EXOC1: variants seen among roughly 807,000 people sequenced by gnomAD.
EXOC1 encodes SEC3-like 1.
EXOC1 carries 67 observed loss-of-function variants against 107.7 expected under a neutral mutation model. The ratio of observed to expected loss-of-function variants is 0.62; its 90% CI spans 0.51 to 0.76. The LOEUF is 0.76. EXOC1 is among the 30% of genes least tolerant of loss of function. The pLI is 0.00. For synonymous variants in EXOC1, 348 were observed against 353.5 expected (o/e 0.98, Z 0.17); for missense variants, 833 against 1,055.7 (o/e 0.79, Z 2.92).
chr4:55,892,626 T>A lies in EXOC1; in HGVS notation c.1648-9T>A. ...TTTATTATGTAAAGTGCCTGAATAA[T>A]TTTTGCAGGCTGAAGCAGAGGACCT... On this transcript the variant is annotated splice_polypyrimidine_tract_variant and intron_variant, in intron 13 of 18. Coordinates refer to ENST00000381295, the MANE Select transcript of EXOC1 (RefSeq NM_001024924.2). 7 of 1,613,580 alleles carry A rather than the reference T, an allele frequency of 4.3e-6. No homozygotes were observed. The highest frequency in any genetic ancestry group is 5.9e-6 in the Non-Finnish European group (7 of 1,179,536).
intron 18 of EXOC1, 151 bp from the exon 19 acceptor site, chr4:55,904,192 A>G: frequency 1.6e-6 from 1 of 618,488 alleles, no homozygotes. Context: ...CAAATCTTGT[A>G]GGTAAAAGTG....
At chr4:55,875,360 A>AT (rs970262008) in intron 8 of EXOC1, 7,158 of 751,602 alleles carry the variant, frequency 9.5e-3, no homozygotes, top group Non-Finnish European at 0.011. Flanking sequence ...CTTTGCTCAG[A>AT]TTTTTTTTTT....
At position 55,870,834 on chromosome 4, in the gene EXOC1, G is replaced by A. The variant is rs775752378; in HGVS notation, c.760G>A (p.Glu254Lys). 53 of 1,613,824 alleles carry A rather than the reference G, an allele frequency of 3.3e-5. 1 individual carries two copies. The South Asian group carries it at 4.9e-4, about 15-fold the overall frequency. The change falls in exon 6 of 19, where the codon GAA becomes AAA. Residue 254 changes from glutamate to lysine, a missense_variant. Glu to Lys is a moderately conservative substitution (Grantham distance 56, BLOSUM62 1). Coordinates refer to ENST00000381295, the MANE Select transcript of EXOC1 (RefSeq NM_001024924.2). ...SVKEQMDQIS[E>K]SNHLIHLSNT... ...AAAAGAACAAATGGATCAGATCTCT[G>A]AAAGCAACCACCTAATTCATCTTAG... is the stretch of plus-strand genomic sequence containing the variant.
intron 1 of EXOC1, among the ~76,000 whole-genome samples, chr4:55,854,765 G>T (rs1311877343): frequency 1.3e-5 from 2 of 152,120 alleles, no homozygotes; most frequent in Non-Finnish European, 2.9e-5. Context: ...AGGAGTATGT[G>T]GTAAACGTTG....
At chr4:55,897,282 A>G (rs1322326324) in intron 16 of EXOC1, among the ~76,000 whole-genome samples, 2 of 152,028 alleles carry the variant, frequency 1.3e-5, no homozygotes, top group African/African-American at 2.4e-5. Context: ...GCACCCTACC[A>G]TGCCCTGCTA....
At chr4:55,902,294 A>G (rs377469250) in intron 17 of EXOC1, 50 bp from the exon 18 acceptor site, 335 of 1,310,134 alleles carry the variant, frequency 2.6e-4, no homozygotes, top group Non-Finnish European at 3.2e-4. Flanking sequence ...TTTAATGTAA[A>G]TAATAATAAA....
At chr4:55,871,592 G>C (rs572943460) in intron 7 of EXOC1, among the ~76,000 whole-genome samples, 3 of 152,222 alleles carry the variant, frequency 2.0e-5, no homozygotes, top group Admixed American at 6.5e-5. Context: ...CCTGGCCCCA[G>C]TCCCAGATTC....
rs1722136120 is a variant in EXOC1 at position 55,868,320 on chromosome 4, T to C, written c.416-16T>C. ...ACTTTTTTGACTATTTTACTTTGAA[T>C]TTTTACCTCTTTAAGAATCTGTTCC... On this transcript the variant is annotated splice_polypyrimidine_tract_variant and intron_variant, in intron 4 of 18. Transcript: ENST00000381295. 6.3e-7 allele frequency: 1 copy of C among 1,592,714 alleles called. No homozygotes were observed. Among genetic ancestry groups the C allele is most frequent in the South Asian group, 1.1e-5 (1 of 88,418 alleles).
At chr4:55,859,592 T>A (rs1259690982) in intron 2 of EXOC1, among the ~76,000 whole-genome samples, 4 of 152,126 alleles carry the variant, frequency 2.6e-5, no homozygotes, top group Admixed American at 2.6e-4. Flanking sequence ...TTTTTGTTGG[T>A]TTAGTTTCCT....
chr4:55,892,068 T>C (rs1051621814), intron 13 of EXOC1, among the ~76,000 whole-genome samples: 4 of 152,166 alleles, frequency 2.6e-5, no homozygotes, highest in Non-Finnish European at 5.9e-5. Context: ...ATCTCAAAAT[T>C]GTATGCCACA....
At chr4:55,854,091 C>T (rs1349167611) in intron 1 of EXOC1, 138 bp downstream of exon 1, 1 of 152,214 alleles carries the variant, frequency 6.6e-6, no homozygotes, top group Non-Finnish European at 1.5e-5. Flanking sequence ...GCAAAATGAC[C>T]CTGATCGTAA....
At chr4:55,878,644 A>G (rs542389430) in intron 9 of EXOC1, among the ~76,000 whole-genome samples, 1 of 152,222 alleles carries the variant, frequency 6.6e-6, no homozygotes, top group East Asian at 1.9e-4. Context: ...AACTTCATGG[A>G]CAATATCAGA....
intron 16 of EXOC1, among the ~76,000 whole-genome samples, chr4:55,898,016 A>C (rs1725440223): frequency 1.3e-5 from 2 of 152,172 alleles, no homozygotes; most frequent in Non-Finnish European, 2.9e-5. Flanking sequence ...AGCACTTTGG[A>C]AGGACCAGTT....
chr4:55,893,687 GTGGACTGCAC>G lies in EXOC1; in HGVS notation c.1861_1870del (p.Trp621LysfsTer9), dbSNP rs1724847021. On this transcript the variant is annotated frameshift_variant, in exon 15 of 19. Transcript: ENST00000381295. LOFTEE classifies it high-confidence loss of function. ...TGTTAGTCAAAATGAGTCATCATGT[GTGGACTGCAC>G]AAAATGTGGACCCTGCTTCTTTCCT... 1 of 1,613,984 alleles carries G rather than the reference GTGGACTGCAC, an allele frequency of 6.2e-7. No individual in the cohort carries two copies. The highest frequency in any genetic ancestry group is 8.5e-7 in the Non-Finnish European group (1 of 1,180,014).
chr4:55,901,717 G>A (rs1423703083), intron 17 of EXOC1, among the ~76,000 whole-genome samples: 1 of 152,020 alleles, frequency 6.6e-6, no homozygotes, highest in Non-Finnish European at 1.5e-5. Context: ...TTGTCATAAT[G>A]CTTATGATGG....
chr4:55,872,052 G>A (rs1200000393), intron 8 of EXOC1, 94 bp downstream of exon 8: 1 of 1,093,424 alleles, frequency 9.1e-7, no homozygotes, highest in Non-Finnish European at 1.3e-6. Flanking sequence ...TGTTTAATTG[G>A]GGTTGCAGTC....
rs1243381531 is a variant in EXOC1 at position 55,888,874 on chromosome 4, C to T, written c.1331-14C>T. On this transcript the variant is annotated splice_polypyrimidine_tract_variant and intron_variant, in intron 10 of 18. Transcript: ENST00000381295. ...TGTCTTTGTCTTTGATGCTTGCAAC[C>T]TAATCCATCACAGCTACACTGCCTC... The T allele has an allele frequency of 1.9e-6, 3 of 1,613,252 alleles. No homozygotes were observed. Among genetic ancestry groups the T allele is most frequent in the East Asian group, 4.5e-5 (2 of 44,780 alleles).
At chr4:55,863,048 A>G (rs1721621646) in intron 3 of EXOC1, among the ~76,000 whole-genome samples, 1 of 151,946 alleles carries the variant, frequency 6.6e-6, no homozygotes, top group South Asian at 2.1e-4. Flanking sequence ...CTACACGTAC[A>G]TGCCACTACA....
chr4:55,903,594 T>C (rs1366017169), intron 18 of EXOC1, among the ~76,000 whole-genome samples: 1 of 152,160 alleles, frequency 6.6e-6, no homozygotes, highest in Non-Finnish European at 1.5e-5. Flanking sequence ...ATACATTCCC[T>C]CAGCTGTCAA....
Sources: allele counts gnomAD v4.1 joint callset (sites outside exome capture counted in the v4.1 genomes callset), GRCh38; gene constraint gnomAD v4.1.1; transcripts MANE v1.5; gene names NCBI Gene and HGNC (gene_info 2026-07-23, HGNC 2026-07-21).